GSN: variants seen among roughly 807,000 people sequenced by gnomAD.
GSN encodes the protein actin-depolymerizing factor.
A neutral mutation model predicts 85.7 loss-of-function variants in GSN; 56 were observed. The observed-to-expected ratio is 0.65, with a 90% CI of 0.53 to 0.82. The LOEUF (loss-of-function observed/expected upper bound fraction) is 0.82, where lower values mean the gene tolerates loss of function less well. Ranked by LOEUF, GSN falls within the 40% of genes least tolerant of loss-of-function variation. GSN has a pLI of 0.00. For missense variants in GSN, 857 were observed against 979.8 expected, an observed-to-expected ratio of 0.87 and a Z score of 1.67; for synonymous variants, 373 against 399.1, an observed-to-expected ratio of 0.93 and a Z score of 0.78.
At chr9:121,214,630 A>G (rs1305622401) in intron 4 of GSN, among the ~76,000 whole-genome samples, 1 of 152,232 alleles carries the variant, frequency 6.6e-6, no homozygotes, top group Non-Finnish European at 1.5e-5. Context: ...AAGACTTAGC[A>G]GATAGCATTC....
At chr9:121,231,644 A>G (rs1298421041) in intron 5 of GSN, among the ~76,000 whole-genome samples, 1 of 152,238 alleles carries the variant, frequency 6.6e-6, no homozygotes. Flanking sequence ...AAAGTGCTGC[A>G]AATTTTCAAC....
chr9:121,254,805 C>T (rs763998759), intron 6 of GSN, among the ~76,000 whole-genome samples: 31 of 152,168 alleles, frequency 2.0e-4, no homozygotes, highest in South Asian at 8.3e-4. Context: ...AGGATATACA[C>T]AGAAAAATCT....
intron 6 of GSN, among the ~76,000 whole-genome samples, chr9:121,258,323 C>T (rs533177927): frequency 6.6e-6 from 1 of 152,024 alleles, no homozygotes; most frequent in East Asian, 1.9e-4. Flanking sequence ...ATTAGCTGGG[C>T]GTGGTGGTGT....
chr9:121,310,511 C>A (rs981538156), intron 4 of GSN, 173 bp from the exon 5 acceptor site: 2 of 699,982 alleles, frequency 2.9e-6, no homozygotes, highest in Non-Finnish European at 5.2e-6. Flanking sequence ...CTGAAACAGT[C>A]TCAAACAAGA....
In GSN at chr9:121,332,737, T is replaced by A; in HGVS notation, c.*134T>A. ...GTGTGTGTTGTTTCTTTTTTTTTTT[T>A]TTACAGTATCCAAAAATAGCCCTGC... On this transcript the variant is annotated 3_prime_UTR_variant, in exon 18 of 18. Transcript: ENST00000432226. The surrounding 1 kb of genome is among the most constrained non-coding windows in gnomAD (Gnocchi z 4.8). The A allele has an allele frequency of 1.5e-6, 1 of 676,770 alleles. No individual in the cohort carries two copies. The highest frequency in any genetic ancestry group is 2.5e-6 in the Non-Finnish European group (1 of 407,016). The allele number at this position is 676,770 out of a possible 1,614,324, so 41.9% of individuals were successfully genotyped here.
At chr9:121,257,478 C>T (rs758875785) in intron 6 of GSN, among the ~76,000 whole-genome samples, 61 of 152,184 alleles carry the variant, frequency 4.0e-4, no homozygotes, top group Non-Finnish European at 7.6e-4. Context: ...CCCCTGAAAC[C>T]TGTACTCTTA....
intron 4 of GSN, among the ~76,000 whole-genome samples, chr9:121,308,063 A>G (rs2060614826): frequency 6.6e-6 from 1 of 152,158 alleles, no homozygotes; most frequent in South Asian, 2.1e-4. Flanking sequence ...CTTGCTTCCC[A>G]GTTTTGGGCA....
At chr9:121,319,339 A>AG (rs1163688471) in intron 10 of GSN, among the ~76,000 whole-genome samples, 1 of 152,162 alleles carries the variant, frequency 6.6e-6, no homozygotes, top group African/African-American at 2.4e-5. Context: ...GAGCTATCCC[A>AG]GGGGGCTAGT....
intron 1 of GSN, among the ~76,000 whole-genome samples, chr9:121,275,594 T>C (rs1001017835): frequency 6.6e-6 from 1 of 152,146 alleles, no homozygotes; most frequent in African/African-American, 2.4e-5. Flanking sequence ...TGGGCTAGCC[T>C]GTATCCATCC....
intron 4 of GSN, among the ~76,000 whole-genome samples, chr9:121,221,020 G>A (rs186219676): frequency 2.0e-5 from 3 of 152,314 alleles, no homozygotes; most frequent in Admixed American, 2.0e-4. Context: ...TGGGAACAGT[G>A]TACGTAATAA....
chr9:121,276,691 T>G (rs1358851630), intron 1 of GSN, among the ~76,000 whole-genome samples: 1 of 152,150 alleles, frequency 6.6e-6, no homozygotes, highest in Non-Finnish European at 1.5e-5. Flanking sequence ...CAGCAAGCCC[T>G]CTGATTGCTG....
chr9:121,304,647 T>G (rs1224180501), intron 4 of GSN, among the ~76,000 whole-genome samples: 1 of 152,212 alleles, frequency 6.6e-6, no homozygotes, highest in East Asian at 1.9e-4. Flanking sequence ...CAGCACCAGC[T>G]CATTGTTGCT....
At position 121,299,905 on chromosome 9, in the gene GSN, C is replaced by A. The variant is rs1474343090; in HGVS notation, c.-9-2058C>A. On this transcript the variant is annotated intron_variant, in intron 2 of 17. Coordinates refer to ENST00000432226, the MANE Select transcript of GSN (RefSeq NM_198252.3). The surrounding 1 kb of genome is among the most constrained non-coding windows in gnomAD (Gnocchi z 4.2). Reference sequence around the variant, plus strand: ...GCGCCCGCGCTGCTTTGCGCGCTGTCCCTGGCGCTGTGCGCGCTGTCGCTG... The same window carrying A: ...GCGCCCGCGCTGCTTTGCGCGCTGTACCTGGCGCTGTGCGCGCTGTCGCTG... The A allele has an allele frequency of 7.8e-7, 1 of 1,275,504 alleles. No homozygotes were observed. Among genetic ancestry groups the A allele is most frequent in the South Asian group, 3.0e-5 (1 of 33,552 alleles). 79.0% of individuals were successfully genotyped at this position (1,275,504 alleles called of 1,614,324 possible). A position where few individuals can be genotyped will look rare whatever the true frequency, so the allele number is the denominator to read the frequency against.
chr9:121,287,350 C>T (rs374980405), intron 2 of GSN, among the ~76,000 whole-genome samples: 5 of 152,242 alleles, frequency 3.3e-5, no homozygotes, highest in Admixed American at 1.3e-4. Context: ...TGACCAGGCC[C>T]CTCTCCTGCC....
At chr9:121,281,768 G>C (rs1004981094) in intron 2 of GSN, 1 of 471,198 alleles carries the variant, frequency 2.1e-6, no homozygotes, top group Admixed American at 2.3e-5. Context: ...GAGTGATCTT[G>C]TAGGGAGGAG....
At chr9:121,314,596 T>C (rs950014258) in intron 7 of GSN, among the ~76,000 whole-genome samples, 1 of 152,146 alleles carries the variant, frequency 6.6e-6, no homozygotes, top group Non-Finnish European at 1.5e-5. Context: ...TTTTCACCAC[T>C]GCCAAAGAAA....
chr9:121,232,669 A>T (rs1371318974), intron 5 of GSN, among the ~76,000 whole-genome samples: 4 of 152,254 alleles, frequency 2.6e-5, no homozygotes. Context: ...TATGGAGCTT[A>T]TTCAATCTTG....
intron 1 of GSN, among the ~76,000 whole-genome samples, chr9:121,272,694 CACTT>C (rs1210086116): frequency 6.6e-6 from 1 of 152,208 alleles, no homozygotes; most frequent in Non-Finnish European, 1.5e-5. Flanking sequence ...ATATGTAACA[CACTT>C]ACTATGTATG....
At chr9:121,290,048 G>T (rs184069590) in intron 2 of GSN, among the ~76,000 whole-genome samples, 9 of 152,218 alleles carry the variant, frequency 5.9e-5, no homozygotes, top group Non-Finnish European at 1.2e-4. Flanking sequence ...GTATAAAGTG[G>T]AGAGGAGATG....
Sources: allele counts gnomAD v4.1 joint callset (sites outside exome capture counted in the v4.1 genomes callset), GRCh38; gene constraint gnomAD v4.1.1; non-coding constraint Gnocchi (gnomAD v3.1); transcripts MANE v1.5; gene names NCBI Gene and HGNC (gene_info 2026-07-23, HGNC 2026-07-21).